The following SLC7A2 variants were observed in gnomAD, a reference collection of about 807,000 sequenced individuals.
SLC7A2 encodes cationic amino acid transporter 2.
A neutral mutation model predicts 58.9 loss-of-function variants in SLC7A2; 48 were observed. The ratio of observed to expected loss-of-function variants is 0.82; its 90% CI spans 0.65 to 1.04. SLC7A2 has a LOEUF of 1.04. Ranked by LOEUF, SLC7A2 falls within the 50% of genes least tolerant of loss-of-function variation. The probability of loss-of-function intolerance (pLI) is 0.00; values close to 1 mark genes in which losing one functional copy is unlikely to be tolerated. For missense variants in SLC7A2, 1,029 were observed against 818.8 expected, an observed-to-expected ratio of 1.26 and a Z score of -3.13; for synonymous variants, 363 against 314.5, an observed-to-expected ratio of 1.15 and a Z score of -1.63.
In SLC7A2 at chr8:17,523,983, C is replaced by G. The variant is rs1305581941; in HGVS notation, c.-22-19335C>G. On this transcript the variant is annotated intron_variant, in intron 2 of 12. Transcript: ENST00000494857. The stretch of plus-strand genomic sequence containing the variant: ...TTCTCAAAAGAAGATAAAATAATGG[C>G]CAACAAGCATATGGAAAAATGTTCA... Among the ~76,000 whole-genome samples the G allele has an allele frequency of 5.3e-5, 8 of 152,116 alleles. No homozygotes were observed. The East Asian group carries it at 1.5e-3, about 29-fold the overall frequency.
intron 2 of SLC7A2, among the ~76,000 whole-genome samples, chr8:17,507,623 A>G (rs948223718): frequency 5.9e-5 from 9 of 152,348 alleles, no homozygotes; most frequent in African/African-American, 2.2e-4. Context: ...TGCTTATAGT[A>G]TATACATATT....
At chr8:17,559,654 CA>C (rs1324768230) in intron 9 of SLC7A2, among the ~76,000 whole-genome samples, 1 of 152,204 alleles carries the variant, frequency 6.6e-6, no homozygotes, top group African/African-American at 2.4e-5. Flanking sequence ...TGAGGGTAAC[CA>C]CTCCATGATG....
At chr8:17,533,634 C>T (rs118055967) in intron 2 of SLC7A2, among the ~76,000 whole-genome samples, 2,451 of 152,322 alleles carry the variant, frequency 0.016, 56 homozygotes, top group South Asian at 0.098. Context: ...CTCAGCTCTT[C>T]GCTTTTAGAC....
In SLC7A2 at chr8:17,560,420, C is replaced by A; in HGVS notation, c.1391C>A (p.Ser464Tyr). 3 of 1,614,000 alleles carry A rather than the reference C, an allele frequency of 1.9e-6. No individual in the cohort carries two copies. Among genetic ancestry groups the A allele is most frequent in the Non-Finnish European group, 2.5e-6 (3 of 1,179,864 alleles). The change falls in exon 10 of 13, where the codon TCC becomes TAC. Residue 464 changes from serine (S) to tyrosine (Y), a missense_variant. Transcript: ENST00000494857. ...CCCAGGGTAACCTCGAAGAGTGAGT[C>A]CCAGGTCACCATGCTGCAGAGACAG... ...SSPRVTSKSESQVTMLQRQGF... is the reference protein window; with the variant it reads ...SSPRVTSKSEYQVTMLQRQGF...
chr8:17,515,210 A>G (rs1293918162), intron 2 of SLC7A2, among the ~76,000 whole-genome samples: 1 of 152,218 alleles, frequency 6.6e-6, no homozygotes, highest in Non-Finnish European at 1.5e-5. Flanking sequence ...ACTTTTCCAA[A>G]GTCATCAATA....
rs576903257 is a variant in SLC7A2 at position 17,523,193 on chromosome 8, C to T, written c.-22-20125C>T. ...GAAAAAAGGAAAGAAAATGACCATA[C>T]GGCCAAAAGTAATCTACAAATTCAG... On this transcript the variant is annotated intron_variant, in intron 2 of 12. Coordinates refer to ENST00000494857, the MANE Select transcript of SLC7A2 (RefSeq NM_001370338.1). Among the ~76,000 whole-genome samples the T allele has an allele frequency of 7.2e-5, 11 of 151,932 alleles. No individual in the cohort carries two copies. In the East Asian group the frequency reaches 9.6e-4, roughly 13 times the overall value.
chr8:17,562,458 G>T (rs1382782736), intron 11 of SLC7A2, among the ~76,000 whole-genome samples: 1 of 151,820 alleles, frequency 6.6e-6, no homozygotes, highest in Admixed American at 6.6e-5. Context: ...ACCCACCTCT[G>T]CCTCCAAAAG....
At position 17,561,924 on chromosome 8, in the gene SLC7A2, A is replaced by T. The variant is rs901438350; in HGVS notation, c.1505-20A>T. On this transcript the variant is annotated intron_variant, in intron 10 of 12. Transcript: ENST00000494857. ...TGGAGCACAGTGTGCTGACTCTGTTATCTACACATCCCCCTGCAGCTTTCC... is the reference window on the plus strand; with the variant it reads ...TGGAGCACAGTGTGCTGACTCTGTTTTCTACACATCCCCCTGCAGCTTTCC... The T allele has an allele frequency of 2.5e-6, 4 of 1,612,930 alleles. No individual in the cohort carries two copies. The highest frequency in any genetic ancestry group is 2.7e-5 in the African/African-American group (2 of 74,910).
At chr8:17,548,994 C>T (rs572100267) in intron 5 of SLC7A2, 151 bp downstream of exon 5, 2 of 711,856 alleles carry the variant, frequency 2.8e-6, no homozygotes, top group Non-Finnish European at 4.5e-6. Flanking sequence ...CACAGTTCCA[C>T]ATGGCTGGGG....
At chr8:17,557,721 G>A (rs1802774698) in intron 8 of SLC7A2, among the ~76,000 whole-genome samples, 1 of 152,026 alleles carries the variant, frequency 6.6e-6, no homozygotes, top group Admixed American at 6.6e-5. Context: ...CCAGCTACTC[G>A]GCAGGCTGAG....
intron 2 of SLC7A2, among the ~76,000 whole-genome samples, chr8:17,534,694 GAAA>G (rs34390459): frequency 0.042 from 5,399 of 128,320 alleles, 210 homozygotes; most frequent in African/African-American, 0.11. Flanking sequence ...GTTTCAAATG[GAAA>G]AAAAAAAAAA....
intron 2 of SLC7A2, among the ~76,000 whole-genome samples, chr8:17,534,651 G>C (rs891636018): frequency 2.9e-5 from 4 of 140,230 alleles, no homozygotes; most frequent in African/African-American, 1.1e-4. Flanking sequence ...ATCTCTATGT[G>C]TTTGCTTTTT....
At chr8:17,505,706 CTCTTT>C (rs1209270072) in intron 2 of SLC7A2, among the ~76,000 whole-genome samples, 1 of 152,140 alleles carries the variant, frequency 6.6e-6, no homozygotes, top group African/African-American at 2.4e-5. Flanking sequence ...AGTCAGTGCC[CTCTTT>C]TCTTATCTAA....
intron 5 of SLC7A2, 80 bp downstream of exon 5, chr8:17,548,923 C>T: frequency 1.7e-6 from 2 of 1,194,480 alleles, no homozygotes; most frequent in Non-Finnish European, 2.4e-6. Context: ...CATTTTTACT[C>T]TGCTAATAAA....
intron 8 of SLC7A2, among the ~76,000 whole-genome samples, chr8:17,557,992 A>G (rs766260772): frequency 1.3e-5 from 2 of 152,144 alleles, no homozygotes; most frequent in African/African-American, 2.4e-5. Flanking sequence ...TGAAATATCA[A>G]TGACAGTGTT....
Position 17,563,725 on chromosome 8 carries a change from T to C in SLC7A2, c.1780+14T>C, listed in dbSNP as rs1236650200. The stretch of plus-strand genomic sequence containing the variant: ...GGATGGCAATTGGTAGGTCTTTTAA[T>C]GTCGGGTTCTCTTTCCTATTTCATG... On this transcript the variant is annotated intron_variant, in intron 12 of 12. Coordinates refer to ENST00000494857, the MANE Select transcript of SLC7A2 (RefSeq NM_001370338.1). 7.0e-7 allele frequency: 1 copy of C among 1,430,872 alleles called. No individual in the cohort carries two copies. Among genetic ancestry groups the C allele is most frequent in the Non-Finnish European group, 9.9e-7 (1 of 1,014,468 alleles). 88.6% of individuals were successfully genotyped at this position (1,430,872 alleles called of 1,614,324 possible).
At chr8:17,512,495 C>T (rs1474879198) in intron 2 of SLC7A2, among the ~76,000 whole-genome samples, 3 of 152,074 alleles carry the variant, frequency 2.0e-5, no homozygotes, top group African/African-American at 4.8e-5. Context: ...TGCACTGAGG[C>T]AAGATCGTGC....
chr8:17,499,407 A>T (rs1800070012), intron 1 of SLC7A2, among the ~76,000 whole-genome samples: 2 of 127,100 alleles, frequency 1.6e-5, no homozygotes, highest in Admixed American at 8.2e-5. Context: ...TCTTCCCTCC[A>T]TTCTCTCTCC....
chr8:17,556,259 C>G lies in SLC7A2; in HGVS notation c.1195+1560C>G, dbSNP rs73666185. Reference sequence around the variant, plus strand: ...AAATATTTTTTGACAAAGAGTCATACGTTTTATTTAACTCATAAAAAATTT... The same window carrying G: ...AAATATTTTTTGACAAAGAGTCATAGGTTTTATTTAACTCATAAAAAATTT... On this transcript the variant is annotated intron_variant, in intron 8 of 12. Coordinates refer to ENST00000494857, the MANE Select transcript of SLC7A2 (RefSeq NM_001370338.1). 4.0e-3 allele frequency among the ~76,000 whole-genome samples: 603 copies of G among 151,792 alleles called. 6 individuals carry two copies. The highest frequency in any genetic ancestry group is 0.014 in the African/African-American group (575 of 41,228).
Sources: allele counts gnomAD v4.1 joint callset (sites outside exome capture counted in the v4.1 genomes callset), GRCh38; gene constraint gnomAD v4.1.1; transcripts MANE v1.5; gene names NCBI Gene and HGNC (gene_info 2026-07-23, HGNC 2026-07-21).